GDPD1: variants seen among roughly 807,000 people sequenced by gnomAD.
The protein encoded by GDPD1 is lysophospholipase D GDPD1.
Under a neutral mutation model 45.1 loss-of-function variants are expected in GDPD1, and 28 were observed. That is an observed-to-expected ratio of 0.62 (90% CI 0.46 to 0.85). The LOEUF (loss-of-function observed/expected upper bound fraction) is 0.85. GDPD1 is among the 40% of genes least tolerant of loss of function. The pLI, the probability that GDPD1 is intolerant of heterozygous loss-of-function variation, is 0.00. For synonymous variants in GDPD1, 139 were observed against 131.4 expected (o/e 1.06, Z -0.40); for missense variants, 256 against 364.8 (o/e 0.70, Z 2.43).
intron 7 of GDPD1, among the ~76,000 whole-genome samples, chr17:59,267,916 C>T (rs934672006): frequency 6.6e-6 from 1 of 152,042 alleles, no homozygotes; most frequent in African/African-American, 2.4e-5. Flanking sequence ...ATGATCCACC[C>T]ACCTCCTCCC....
At chr17:59,262,861 C>T (rs1395351740) in intron 6 of GDPD1, among the ~76,000 whole-genome samples, 1 of 152,070 alleles carries the variant, frequency 6.6e-6, no homozygotes. Context: ...CTCCCGACCT[C>T]AGGTGATCCG....
At chr17:59,260,043 GGAGCCA>G (rs1331715957) in intron 6 of GDPD1, among the ~76,000 whole-genome samples, 1 of 101,260 alleles carries the variant, frequency 9.9e-6, no homozygotes, top group Non-Finnish European at 1.9e-5. Flanking sequence ...CCTGGGTGAC[GGAGCCA>G]GACCCTGTCT....
Position 59,273,740 on chromosome 17 carries a change from G to A in GDPD1, c.912G>A (p.Lys304=). ...ATGVMTDYPT[K]LRDFLHNFSA is the part of the protein sequence containing the mutation. The stretch of plus-strand genomic sequence containing the variant: ...GGGTGATGACAGACTATCCAACAAA[G>A]CTTAGGGATTTTTTACATAACTTTT... The change falls in exon 10 of 10, where the codon AAG becomes AAA. Residue 304 remains lysine (K), a synonymous_variant. Coordinates refer to ENST00000284116, the MANE Select transcript of GDPD1 (RefSeq NM_182569.4). The A allele has an allele frequency of 6.3e-7, 1 of 1,580,380 alleles. No homozygotes were observed. The highest frequency in any genetic ancestry group is 8.6e-7 in the Non-Finnish European group (1 of 1,162,764).
intron 6 of GDPD1, among the ~76,000 whole-genome samples, chr17:59,263,532 G>C (rs1159776871): frequency 1.4e-5 from 2 of 138,560 alleles, no homozygotes; most frequent in Admixed American, 7.9e-5. Flanking sequence ...AGGCTGGAGT[G>C]CAATGGCGCA....
chr17:59,228,094 C>A (rs1405005260), intron 1 of GDPD1, among the ~76,000 whole-genome samples: 2 of 149,426 alleles, frequency 1.3e-5, no homozygotes, highest in Non-Finnish European at 1.5e-5. Flanking sequence ...ATTGCTTGAA[C>A]CCAGGAGGTG....
At chr17:59,224,786 G>A (rs1273601784) in intron 1 of GDPD1, among the ~76,000 whole-genome samples, 1 of 152,084 alleles carries the variant, frequency 6.6e-6, no homozygotes, top group South Asian at 2.1e-4. Context: ...CCTGTGAATA[G>A]CCGCTGAACT....
chr17:59,237,213 G>A (rs1275714551), intron 2 of GDPD1, among the ~76,000 whole-genome samples: 7 of 151,942 alleles, frequency 4.6e-5, no homozygotes, highest in African/African-American at 1.7e-4. Context: ...AGCCTGGGCA[G>A]CAGGGTGAAA....
chr17:59,234,459 C>T (rs755953487), intron 1 of GDPD1, 33 bp from the exon 2 acceptor site: 2 of 1,358,924 alleles, frequency 1.5e-6, no homozygotes, highest in Non-Finnish European at 2.1e-6. Flanking sequence ...TTAAAATGTT[C>T]AAAATAAGTA....
At chr17:59,255,421 A>G (rs2047288493) in intron 4 of GDPD1, among the ~76,000 whole-genome samples, 1 of 151,438 alleles carries the variant, frequency 6.6e-6, no homozygotes, top group African/African-American at 2.4e-5. Context: ...GGCAAAATAC[A>G]GTGAGACCCT....
chr17:59,242,470 C>T (rs149986085), intron 2 of GDPD1, among the ~76,000 whole-genome samples: 97 of 152,320 alleles, frequency 6.4e-4, no homozygotes, highest in African/African-American at 2.3e-3. Flanking sequence ...AATTGGCCTG[C>T]TCACTTTCCT....
At chr17:59,247,332 T>G (rs1384345356) in intron 3 of GDPD1, among the ~76,000 whole-genome samples, 3 of 152,166 alleles carry the variant, frequency 2.0e-5, no homozygotes, top group African/African-American at 7.2e-5. Flanking sequence ...AATTATACTA[T>G]TACACAAAAT....
intron 6 of GDPD1, among the ~76,000 whole-genome samples, chr17:59,258,171 C>T (rs1187661521): frequency 6.6e-6 from 1 of 152,068 alleles, no homozygotes; most frequent in Non-Finnish European, 1.5e-5. Flanking sequence ...AAGCAATCCT[C>T]CTGCCTTGGC....
At chr17:59,271,425 T>A (rs566934529) in intron 8 of GDPD1, among the ~76,000 whole-genome samples, 1 of 152,234 alleles carries the variant, frequency 6.6e-6, no homozygotes. Flanking sequence ...AGAAAGGAAA[T>A]CCCACCTATA....
At position 59,253,034 on chromosome 17, in the gene GDPD1, A is replaced by G. The variant is rs150688411; in HGVS notation, c.368-4088A>G. Among the ~76,000 whole-genome samples the G allele has an allele frequency of 1.8e-4, 27 of 152,258 alleles. No individual in the cohort carries two copies. In the East Asian group the frequency reaches 3.5e-3, roughly 20 times the overall value. ...TTAACCAAATGGTTTGTTATTATCT[A>G]TCCTGATTATTTGAAGGTAACCTTT... On this transcript the variant is annotated intron_variant, in intron 4 of 9. Coordinates refer to ENST00000284116, the MANE Select transcript of GDPD1 (RefSeq NM_182569.4).
At chr17:59,242,338 C>T (rs753832138) in intron 2 of GDPD1, among the ~76,000 whole-genome samples, 4 of 152,228 alleles carry the variant, frequency 2.6e-5, no homozygotes, top group Non-Finnish European at 5.9e-5. Context: ...GCTGGAATTA[C>T]AGGTGTGAGC....
chr17:59,238,649 G>T (rs2047153355), intron 2 of GDPD1, among the ~76,000 whole-genome samples: 1 of 152,136 alleles, frequency 6.6e-6, no homozygotes, highest in Admixed American at 6.6e-5. Flanking sequence ...TCCTGACCTT[G>T]TGATCCACCT....
intron 2 of GDPD1, among the ~76,000 whole-genome samples, chr17:59,241,270 A>G (rs2047173777): frequency 6.6e-6 from 1 of 152,236 alleles, no homozygotes; most frequent in African/African-American, 2.4e-5. Flanking sequence ...TTTACCCCAC[A>G]TAGGTGATTC....
At chr17:59,272,703 A>T (rs2047452850) in intron 8 of GDPD1, 82 bp from the exon 9 acceptor site, 16 of 805,262 alleles carry the variant, frequency 2.0e-5, no homozygotes, top group South Asian at 9.9e-5. Flanking sequence ...GATTAAATTA[A>T]ACTGGAATTA....
chr17:59,263,998 T>TAA, intron 6 of GDPD1, among the ~76,000 whole-genome samples: 1 of 152,050 alleles, frequency 6.6e-6, no homozygotes, highest in South Asian at 2.1e-4. Flanking sequence ...TAATTTAATT[T>TAA]TATTTTATTT....
Sources: allele counts gnomAD v4.1 joint callset (sites outside exome capture counted in the v4.1 genomes callset), GRCh38; gene constraint gnomAD v4.1.1; transcripts MANE v1.5; gene names NCBI Gene and HGNC (gene_info 2026-07-23, HGNC 2026-07-21).